Variants in ROBO2 observed in about 807,000 individuals in gnomAD.
ROBO2 encodes roundabout guidance receptor 2, also known as roundabout homolog 2.
A neutral mutation model predicts 160.8 loss-of-function variants in ROBO2; 53 were observed. The observed-to-expected ratio is 0.33, with a 90% CI of 0.26 to 0.41. The LOEUF (loss-of-function observed/expected upper bound fraction) is 0.41, where lower values mean the gene tolerates loss of function less well. ROBO2 is among the 10% of genes least tolerant of loss of function. The pLI is 1.00. For synonymous variants in ROBO2, 664 were observed against 611.7 expected, an observed-to-expected ratio of 1.09 and a Z score of -1.26; for missense variants, 1,577 against 1,722.4, an observed-to-expected ratio of 0.92 and a Z score of 1.49.
chr3:77,215,515 A>T (rs1029755704), intron 2 of ROBO2, among the ~76,000 whole-genome samples: 1 of 151,980 alleles, frequency 6.6e-6, no homozygotes, highest in African/African-American at 2.4e-5. Context: ...CTTCTTTGCC[A>T]TGGGTTTACA....
chr3:76,899,936 T>C (rs981609670), intron 2 of ROBO2, among the ~76,000 whole-genome samples: 2 of 152,176 alleles, frequency 1.3e-5, no homozygotes, highest in Non-Finnish European at 2.9e-5. Flanking sequence ...TATAACCCTC[T>C]GTATTAGTCT....
intron 2 of ROBO2, among the ~76,000 whole-genome samples, chr3:75,979,742 CA>C (rs1215815065): frequency 6.6e-6 from 1 of 151,556 alleles, no homozygotes; most frequent in Non-Finnish European, 1.5e-5. Flanking sequence ...CATTAAAACA[CA>C]ACCTTTATTT....
intron 2 of ROBO2, among the ~76,000 whole-genome samples, chr3:77,116,122 G>C (rs552958801): frequency 6.6e-6 from 1 of 152,208 alleles, no homozygotes; most frequent in African/African-American, 2.4e-5. Context: ...GCACCTCCAC[G>C]AATCCTGTTG....
chr3:76,270,012 G>A (rs1348355574), intron 2 of ROBO2, among the ~76,000 whole-genome samples: 1 of 151,962 alleles, frequency 6.6e-6, no homozygotes, highest in East Asian at 1.9e-4. Context: ...ATTGGAAAAG[G>A]CTACTACTGG....
At chr3:76,079,093 TA>T (rs771968214) in intron 2 of ROBO2, among the ~76,000 whole-genome samples, 1 of 152,070 alleles carries the variant, frequency 6.6e-6, no homozygotes, top group Admixed American at 6.5e-5. Context: ...ATGTGGGAGC[TA>T]AAAAAATTGA....
chr3:77,260,643 A>T (rs1158552777), intron 2 of ROBO2, among the ~76,000 whole-genome samples: 1 of 152,216 alleles, frequency 6.6e-6, no homozygotes, highest in Non-Finnish European at 1.5e-5. Flanking sequence ...AAAGGGAATC[A>T]GCTCTGAGAG....
At chr3:76,242,810 G>A (rs933458999) in intron 2 of ROBO2, among the ~76,000 whole-genome samples, 8 of 152,088 alleles carry the variant, frequency 5.3e-5, no homozygotes, top group Non-Finnish European at 8.8e-5. Flanking sequence ...GCCTGAGCCC[G>A]GGAGTTGAAG....
chr3:77,065,870 T>C (rs2066787796), intron 1 of ROBO2, among the ~76,000 whole-genome samples: 1 of 152,146 alleles, frequency 6.6e-6, no homozygotes, highest in Non-Finnish European at 1.5e-5. Flanking sequence ...ATGAATGGTT[T>C]GGTCTTTGTC....
At chr3:77,495,603 T>G (rs553759167) in intron 5 of ROBO2, among the ~76,000 whole-genome samples, 3 of 152,298 alleles carry the variant, frequency 2.0e-5, no homozygotes, top group Non-Finnish European at 2.9e-5. Context: ...CTTAACAACC[T>G]TGAAGGGAAG....
At chr3:77,216,319 C>T (rs1337946123) in intron 2 of ROBO2, among the ~76,000 whole-genome samples, 1 of 152,168 alleles carries the variant, frequency 6.6e-6, no homozygotes, top group Admixed American at 6.5e-5. Flanking sequence ...GCAGTTTGAC[C>T]TCAGACTGCT....
chr3:77,564,408 A>G (rs2093422019), intron 11 of ROBO2: 1 of 454,768 alleles, frequency 2.2e-6, no homozygotes, highest in South Asian at 1.6e-5. Context: ...CAATGTAACC[A>G]AGGGAAAATA....
At chr3:76,028,160 G>A (rs558341903) in intron 2 of ROBO2, among the ~76,000 whole-genome samples, 11 of 151,990 alleles carry the variant, frequency 7.2e-5, no homozygotes, top group Non-Finnish European at 1.2e-4. Context: ...CAGATGAGAA[G>A]AAATCCAAAC....
At chr3:76,938,532 T>C (rs7617939) in intron 2 of ROBO2, among the ~76,000 whole-genome samples, 69,286 of 151,782 alleles carry the variant, frequency 0.46, 16,207 homozygotes, top group African/African-American at 0.56. Context: ...TCTCTCTCTC[T>C]GAGCTTTTCC....
intron 2 of ROBO2, among the ~76,000 whole-genome samples, chr3:76,439,938 C>G (rs998419926): frequency 6.6e-6 from 1 of 152,126 alleles, no homozygotes; most frequent in African/African-American, 2.4e-5. Flanking sequence ...GTATCATCCT[C>G]TCTCCTTAAG....
At chr3:76,072,782 C>A (rs911753539) in intron 2 of ROBO2, among the ~76,000 whole-genome samples, 1 of 152,100 alleles carries the variant, frequency 6.6e-6, no homozygotes, top group South Asian at 2.1e-4. Context: ...GGGCCAATGG[C>A]CTCAAGCGAT....
At chr3:76,963,680 A>C (rs2079835932) in intron 2 of ROBO2, among the ~76,000 whole-genome samples, 1 of 152,024 alleles carries the variant, frequency 6.6e-6, no homozygotes. Flanking sequence ...TCTTCTACCC[A>C]TATTTGTTTA....
intron 2 of ROBO2, among the ~76,000 whole-genome samples, chr3:76,571,194 T>G (rs2084938298): frequency 6.6e-6 from 1 of 152,174 alleles, no homozygotes. Flanking sequence ...AATACAGCAT[T>G]CAATTAACAA....
chr3:77,058,374 G>T (rs532974780), intron 1 of ROBO2, among the ~76,000 whole-genome samples: 1 of 152,124 alleles, frequency 6.6e-6, no homozygotes, highest in East Asian at 1.9e-4. Flanking sequence ...AAATATTATT[G>T]TGTGCCATCT....
intron 2 of ROBO2, among the ~76,000 whole-genome samples, chr3:76,317,275 A>T (rs991950179): frequency 6.6e-6 from 1 of 152,246 alleles, no homozygotes; most frequent in Non-Finnish European, 1.5e-5. Context: ...TTAATTACAC[A>T]TTTCTTACTT....
Sources: gnomAD v4.1 joint callset for allele counts (sites outside exome capture counted in the v4.1 genomes callset) on GRCh38, gnomAD v4.1.1 for gene constraint, MANE v1.5 for transcripts, NCBI Gene and HGNC (gene_info 2026-07-23, HGNC 2026-07-21) for gene names.